The following PIEZO2 variants were observed in gnomAD, a reference collection of about 807,000 sequenced individuals.
PIEZO2 encodes the protein piezo type mechanosensitive ion channel component 2.
PIEZO2 carries 172 observed loss-of-function variants against 337.3 expected under a neutral mutation model. The ratio of observed to expected loss-of-function variants is 0.51; its 90% CI spans 0.45 to 0.58. The LOEUF is 0.58. Among genes scored for constraint, PIEZO2 ranks in the 20% least tolerant of loss-of-function variants. The pLI is 0.00. For missense variants in PIEZO2, 3,028 were observed against 3,391.3 expected (o/e 0.89, Z 2.66); for synonymous variants, 1,251 against 1,228.5 (o/e 1.02, Z -0.38).
intron 3 of PIEZO2, among the ~76,000 whole-genome samples, chr18:10,976,713 G>A (rs2034453085): frequency 6.6e-6 from 1 of 152,188 alleles, no homozygotes; most frequent in South Asian, 2.1e-4. Context: ...GGGCATTTGT[G>A]TATGAATAAA....
At chr18:10,866,595 G>C (rs1273186330) in intron 5 of PIEZO2, among the ~76,000 whole-genome samples, 1 of 152,120 alleles carries the variant, frequency 6.6e-6, no homozygotes, top group Non-Finnish European at 1.5e-5. Flanking sequence ...GCCTTTGTAT[G>C]CAATGAAGGT....
chr18:11,132,016 G>T lies in PIEZO2; in HGVS notation c.64+16509C>A, dbSNP rs2040354271. ...GCAGCCGCTGCTGAGTACCCAATTT[G>T]CCAACAGCAGAGACCAATACTGAGC... On this transcript the variant is annotated intron_variant, in intron 1 of 55. Transcript: ENST00000674853. The surrounding 1 kb of genome is among the most constrained non-coding windows in gnomAD (Gnocchi z 4.7). Among the ~76,000 whole-genome samples, 1 of 152,136 alleles carries T rather than the reference G, an allele frequency of 6.6e-6. No homozygotes were observed. Among genetic ancestry groups the T allele is most frequent in the Non-Finnish European group, 1.5e-5 (1 of 68,030 alleles).
chr18:10,857,273 T>G lies in PIEZO2; in HGVS notation c.493-62A>C, dbSNP rs549868491. The G allele has an allele frequency of 6.2e-5, 86 of 1,389,978 alleles. No homozygotes were observed. In the African/African-American group the frequency reaches 1.0e-3, roughly 17 times the overall value. The allele number at this position is 1,389,978 out of a possible 1,614,324, so 86.1% of individuals were successfully genotyped here. ...GAGCCTGCCTATCCAGCCAGCAGATTATAGAGCTTCTAATTCATGGGTCAG... is the reference window on the plus strand; with the variant it reads ...GAGCCTGCCTATCCAGCCAGCAGATGATAGAGCTTCTAATTCATGGGTCAG... On this transcript the variant is annotated intron_variant, in intron 5 of 55. Transcript: ENST00000674853.
At position 10,838,866 on chromosome 18, in the gene PIEZO2, C is replaced by T. The variant is rs1203082642; in HGVS notation, c.917+16487G>A. ...CCTATGACAGCAAGACGTAGCTCAACACGTAAGCCAGGCAACCTCCCCTCC... is the reference window on the plus strand; with the variant it reads ...CCTATGACAGCAAGACGTAGCTCAATACGTAAGCCAGGCAACCTCCCCTCC... On this transcript the variant is annotated intron_variant, in intron 7 of 55. Transcript: ENST00000674853. Among the ~76,000 whole-genome samples the T allele has an allele frequency of 1.3e-5, 2 of 152,198 alleles. 1 individual carries two copies. The highest frequency in any genetic ancestry group is 3.8e-4 in the East Asian group (2 of 5,196).
chr18:10,787,257 T>G (rs2039256948), intron 15 of PIEZO2, 73 bp from the exon 16 acceptor site: 3 of 1,333,140 alleles, frequency 2.3e-6, no homozygotes, highest in South Asian at 1.5e-5. Flanking sequence ...ATATTTGGTT[T>G]AATTCAAGTA....
chr18:10,829,799 A>G (rs2040788751), intron 7 of PIEZO2, among the ~76,000 whole-genome samples: 2 of 152,156 alleles, frequency 1.3e-5, no homozygotes, highest in South Asian at 4.1e-4. Context: ...AATTGATGCA[A>G]TAAAATAAAA....
At chr18:10,873,391 A>C (rs2042186474) in intron 4 of PIEZO2, among the ~76,000 whole-genome samples, 1 of 152,158 alleles carries the variant, frequency 6.6e-6, no homozygotes. Context: ...ATTATACTCC[A>C]TTCTCCCTAC....
chr18:10,953,678 A>G lies in PIEZO2; in HGVS notation c.286+25857T>C, dbSNP rs1355291250. Among the ~76,000 whole-genome samples, 2 of 152,010 alleles carry G rather than the reference A, an allele frequency of 1.3e-5. No individual in the cohort carries two copies. The highest frequency in any genetic ancestry group is 2.9e-5 in the Non-Finnish European group (2 of 68,020). ...TAGTGAGGAAGGCATCCACTGCCCT[A>G]AACAGAATGAGATGGTTGAACACAT... On this transcript the variant is annotated intron_variant, in intron 3 of 55. Coordinates refer to ENST00000674853, the MANE Select transcript of PIEZO2 (RefSeq NM_001378183.1). This position sits in a 1 kb window ranked among gnomAD's most constrained non-coding sequence, Gnocchi z 5.2.
At chr18:11,037,656 C>T (rs79518374) in intron 2 of PIEZO2, among the ~76,000 whole-genome samples, 2,001 of 152,278 alleles carry the variant, frequency 0.013, 56 homozygotes, top group African/African-American at 0.045. Context: ...TGAAAGCACT[C>T]TCCCTGTTTC....
At position 11,116,895 on chromosome 18, in the gene PIEZO2, G is replaced by T. The variant is rs1335866640; in HGVS notation, c.64+31630C>A. Among the ~76,000 whole-genome samples the T allele has an allele frequency of 6.6e-6, 1 of 152,076 alleles. No homozygotes were observed. Among genetic ancestry groups the T allele is most frequent in the Non-Finnish European group, 1.5e-5 (1 of 68,026 alleles). On this transcript the variant is annotated intron_variant, in intron 1 of 55. Transcript: ENST00000674853. This position sits in a 1 kb window ranked among gnomAD's most constrained non-coding sequence, Gnocchi z 5.0. The stretch of plus-strand genomic sequence containing the variant: ...AGGCCAAGGCAGGAGGATCACTTGA[G>T]GTCAGGGGTTCAAAACCAGCCTGAC...
chr18:10,763,726 A>G (rs556262384), intron 21 of PIEZO2, among the ~76,000 whole-genome samples: 5 of 152,256 alleles, frequency 3.3e-5, no homozygotes, highest in African/African-American at 9.6e-5. Flanking sequence ...TGGAGGTAAG[A>G]TTTGCTTCCT....
intron 2 of PIEZO2, among the ~76,000 whole-genome samples, chr18:10,987,990 A>T (rs542431742): frequency 6.6e-6 from 1 of 152,156 alleles, no homozygotes; most frequent in African/African-American, 2.4e-5. Flanking sequence ...ACAAGTTGAG[A>T]TACCACCTCT....
intron 2 of PIEZO2, among the ~76,000 whole-genome samples, chr18:11,040,185 A>T (rs7228944): frequency 0.21 from 31,281 of 151,936 alleles, 3,726 homozygotes; most frequent in African/African-American, 0.32. Flanking sequence ...CAACAAGTCC[A>T]GAAGAAGTCC....
At chr18:10,717,031 A>C (rs969935148) in intron 37 of PIEZO2, among the ~76,000 whole-genome samples, 5 of 152,324 alleles carry the variant, frequency 3.3e-5, no homozygotes, top group Non-Finnish European at 5.9e-5. Flanking sequence ...AGTAGGGCAC[A>C]GTGGTTAAGA....
intron 4 of PIEZO2, among the ~76,000 whole-genome samples, chr18:10,874,255 A>C (rs1309399158): frequency 1.3e-5 from 2 of 152,060 alleles, no homozygotes; most frequent in Admixed American, 1.3e-4. Flanking sequence ...GCAAATCAAA[A>C]CCACAACGAG....
rs1312499831 is a variant in PIEZO2 at position 11,129,215 on chromosome 18, G to C, written c.64+19310C>G. On this transcript the variant is annotated intron_variant, in intron 1 of 55. Transcript: ENST00000674853. This position sits in a 1 kb window ranked among gnomAD's most constrained non-coding sequence, Gnocchi z 4.6. ...CCAATGCCTTGTGAAACAGATTTGT[G>C]AGGGCAGCACCTGCATCTTTGGAAC... Among the ~76,000 whole-genome samples, 2 of 152,104 alleles carry C rather than the reference G, an allele frequency of 1.3e-5. No homozygotes were observed. The highest frequency in any genetic ancestry group is 3.9e-4 in the East Asian group (2 of 5,186).
In PIEZO2 at chr18:11,016,271, G is replaced by A. The variant is rs2036114120; in HGVS notation, c.161-36611C>T. On this transcript the variant is annotated intron_variant, in intron 2 of 55. Coordinates refer to ENST00000674853, the MANE Select transcript of PIEZO2 (RefSeq NM_001378183.1). The surrounding 1 kb of genome is among the most constrained non-coding windows in gnomAD (Gnocchi z 5.6). ...GAGTGGCCAGAGTATGTAAGAGAATGGGATGACTGTGGGCAGAATCACAGG... is the reference window on the plus strand; with the variant it reads ...GAGTGGCCAGAGTATGTAAGAGAATAGGATGACTGTGGGCAGAATCACAGG... Among the ~76,000 whole-genome samples, 1 of 152,208 alleles carries A rather than the reference G, an allele frequency of 6.6e-6. No individual in the cohort carries two copies. The highest frequency in any genetic ancestry group is 2.4e-5 in the African/African-American group (1 of 41,442).
intron 3 of PIEZO2, among the ~76,000 whole-genome samples, chr18:10,921,266 G>A (rs1168690341): frequency 6.6e-6 from 1 of 152,110 alleles, no homozygotes; most frequent in Non-Finnish European, 1.5e-5. Flanking sequence ...TAGAGAAGGA[G>A]AGACAATGAG....
Position 10,766,912 on chromosome 18 carries a change from CAAT to C in PIEZO2, c.2946+3233_2946+3235del, listed in dbSNP as rs150978763. ...TGCTTAGTGAGAGTGAAAATAATAACAATGATGAGACAGACAAGAAGGAGAAAC... is the reference window on the plus strand; with the variant it reads ...TGCTTAGTGAGAGTGAAAATAATAACGATGAGACAGACAAGAAGGAGAAAC... On this transcript the variant is annotated intron_variant, in intron 21 of 55. Coordinates refer to ENST00000674853, the MANE Select transcript of PIEZO2 (RefSeq NM_001378183.1). The surrounding 1 kb of genome is among the most constrained non-coding windows in gnomAD (Gnocchi z 6.1). 6.1e-3 allele frequency among the ~76,000 whole-genome samples: 934 copies of C among 152,214 alleles called. 9 individuals carry two copies. Among genetic ancestry groups the C allele is most frequent in the African/African-American group, 0.021 (884 of 41,544 alleles).
Sources: allele counts gnomAD v4.1 joint callset (sites outside exome capture counted in the v4.1 genomes callset), GRCh38; gene constraint gnomAD v4.1.1; non-coding constraint Gnocchi (gnomAD v3.1); transcripts MANE v1.5; gene names NCBI Gene and HGNC (gene_info 2026-07-23, HGNC 2026-07-21).